The following ARCN1 variants were observed in gnomAD, a reference collection of about 807,000 sequenced individuals.
The protein encoded by ARCN1 is coatomer subunit delta.
ARCN1 carries 5 observed loss-of-function variants against 60.4 expected under a neutral mutation model. That is an observed-to-expected ratio of 0.08 (90% CI 0.04 to 0.17). The LOEUF (loss-of-function observed/expected upper bound fraction) is 0.17. Among genes scored for constraint, ARCN1 ranks in the 10% least tolerant of loss-of-function variants. The pLI is 1.00. For synonymous variants in ARCN1, 224 were observed against 220.0 expected (o/e 1.02, Z -0.16); for missense variants, 464 against 626.5 (o/e 0.74, Z 2.77).
chr11:118,592,863 G>T lies in ARCN1; in HGVS notation c.1132+7G>T, dbSNP rs782412960. On this transcript the variant is annotated splice_region_variant and intron_variant, in intron 7 of 9. Coordinates refer to ENST00000264028, the MANE Select transcript of ARCN1 (RefSeq NM_001655.5). ...TCTTTTATTCCACTGACAAGTAAGT[G>T]CCTCTGGCCAGTCCCACTAAGCTAG... is the stretch of plus-strand genomic sequence containing the variant. The T allele has an allele frequency of 6.2e-7, 1 of 1,612,384 alleles. No homozygotes were observed. The highest frequency in any genetic ancestry group is 8.5e-7 in the Non-Finnish European group (1 of 1,178,804).
chr11:118,595,533 A>G (rs894888523), intron 8 of ARCN1, among the ~76,000 whole-genome samples: 2 of 152,244 alleles, frequency 1.3e-5, no homozygotes, highest in African/African-American at 4.8e-5. Context: ...GTTGAGTTCC[A>G]ATAAGCTTTT....
chr11:118,586,736 C>T (rs1400115365), intron 5 of ARCN1, among the ~76,000 whole-genome samples: 2 of 151,654 alleles, frequency 1.3e-5, no homozygotes, highest in African/African-American at 4.8e-5. Flanking sequence ...CCTGTAGTCC[C>T]AGCTACTCAG....
intron 8 of ARCN1, among the ~76,000 whole-genome samples, chr11:118,596,997 C>T (rs1939040352): frequency 6.6e-6 from 1 of 152,128 alleles, no homozygotes; most frequent in South Asian, 2.1e-4. Context: ...ATCACGGGGT[C>T]AGGAGATGAG....
At chr11:118,581,132 A>G in intron 1 of ARCN1, 114 bp from the exon 2 acceptor site, 5 of 1,338,492 alleles carry the variant, frequency 3.7e-6, no homozygotes, top group Non-Finnish European at 5.2e-6. Flanking sequence ...AAATAATACT[A>G]CTACTAGTCA....
Position 118,600,740 on chromosome 11 carries a change from A to C in ARCN1, c.*26A>C, listed in dbSNP as rs555516780. ...TACCAAGAAGAGGGAGCTGAAAAGG[A>C]AAATTTTCAGATTAATAAAGAAGAC... On this transcript the variant is annotated 3_prime_UTR_variant, in exon 10 of 10. Transcript: ENST00000264028. The C allele has an allele frequency of 2.7e-6, 4 of 1,508,478 alleles. No homozygotes were observed. In the Admixed American group the frequency reaches 7.7e-5, roughly 29 times the overall value. The allele number at this position is 1,508,478 out of a possible 1,614,324, so 93.4% of individuals were successfully genotyped here. A position where few individuals can be genotyped will look rare whatever the true frequency, so the allele number is the denominator to read the frequency against.
chr11:118,598,209 A>G (rs1555077498), intron 9 of ARCN1, among the ~76,000 whole-genome samples: 1 of 151,646 alleles, frequency 6.6e-6, no homozygotes, highest in South Asian at 2.1e-4. Context: ...GTTTTTTTTT[A>G]ACCTTATATA....
chr11:118,599,514 C>T (rs1555077778), intron 9 of ARCN1, among the ~76,000 whole-genome samples: 1 of 152,156 alleles, frequency 6.6e-6, no homozygotes, highest in African/African-American at 2.4e-5. Context: ...CAGCCTCTGC[C>T]TCCCAGGTTC....
chr11:118,585,055 T>C (rs545935274), intron 5 of ARCN1, among the ~76,000 whole-genome samples: 52 of 152,200 alleles, frequency 3.4e-4, no homozygotes, highest in African/African-American at 1.2e-3. Flanking sequence ...CTCGATCTCC[T>C]GACCTTGTGA....
intron 6 of ARCN1, among the ~76,000 whole-genome samples, chr11:118,591,839 A>G (rs11216920): frequency 0.077 from 11,669 of 151,676 alleles, 778 homozygotes; most frequent in East Asian, 0.34. Context: ...GGCTCAAGCA[A>G]TGCTTCCTCT....
rs1334760549 is a variant in ARCN1 at position 118,599,116 on chromosome 11, G to T, written c.1446+1205G>T. Among the ~76,000 whole-genome samples, 3 of 149,134 alleles carry T rather than the reference G, an allele frequency of 2.0e-5. No individual in the cohort carries two copies. The East Asian group carries it at 6.0e-4, about 30-fold the overall frequency. On this transcript the variant is annotated intron_variant, in intron 9 of 9. Transcript: ENST00000264028. ...GCGGATTTTTTTTTTTTTTAAGACG[G>T]AGTTTCACTCTTGTTGCCCAGGCTG...
Position 118,601,477 on chromosome 11 carries a change from T to C in ARCN1, c.*763T>C, listed in dbSNP as rs1181189826. 1 of 614,624 alleles carries C rather than the reference T, an allele frequency of 1.6e-6. No homozygotes were observed. Among genetic ancestry groups the C allele is most frequent in the African/African-American group, 1.8e-5 (1 of 54,158 alleles). 38.1% of individuals were successfully genotyped at this position (614,624 alleles called of 1,614,324 possible). On this transcript the variant is annotated 3_prime_UTR_variant, in exon 10 of 10. Transcript: ENST00000264028. ...TTTAATCATTCATACCCTTTACCTT[T>C]AGGTTTTTCTTTCTATACATTCAGT...
intron 5 of ARCN1, among the ~76,000 whole-genome samples, chr11:118,586,664 T>G (rs1359504565): frequency 6.6e-6 from 1 of 151,654 alleles, no homozygotes; most frequent in Non-Finnish European, 1.5e-5. Context: ...TCCACTAAAA[T>G]ACAAAAAATT....
chr11:118,585,041 TG>T (rs1456821657), intron 5 of ARCN1, among the ~76,000 whole-genome samples: 3 of 152,172 alleles, frequency 2.0e-5, no homozygotes, highest in Admixed American at 2.0e-4. Context: ...TTAGCCAGAA[TG>T]GTCTCGATCT....
At position 118,601,847 on chromosome 11, in the gene ARCN1, T is replaced by A. The variant is rs1939155078; in HGVS notation, c.*1133T>A. The stretch of plus-strand genomic sequence containing the variant: ...TGGTTATGTCTGTCCAGTTAGGGAT[T>A]TCACATCCACATGTAATCATGTCTG... On this transcript the variant is annotated 3_prime_UTR_variant, in exon 10 of 10. Transcript: ENST00000264028. 1.6e-6 allele frequency: 1 copy of A among 624,514 alleles called. No individual in the cohort carries two copies. Among genetic ancestry groups the A allele is most frequent in the South Asian group, 1.8e-5 (1 of 54,732 alleles). The allele number at this position is 624,514 out of a possible 1,614,324, so 38.7% of individuals were successfully genotyped here.
At chr11:118,600,056 A>C (rs1444449861) in intron 9 of ARCN1, among the ~76,000 whole-genome samples, 1 of 152,234 alleles carries the variant, frequency 6.6e-6, no homozygotes, top group Non-Finnish European at 1.5e-5. Context: ...CTTCATTAGA[A>C]AATACGAATC....
intron 7 of ARCN1, among the ~76,000 whole-genome samples, 172 bp downstream of exon 7, chr11:118,593,028 T>G (rs1422547565): frequency 4.6e-5 from 7 of 152,220 alleles, no homozygotes; most frequent in African/African-American, 1.7e-4. Context: ...TAGTTTTCAT[T>G]TTTAATAGCT....
intron 8 of ARCN1, 141 bp downstream of exon 8, chr11:118,593,839 C>A (rs1287354270): frequency 1.9e-6 from 1 of 538,970 alleles, no homozygotes; most frequent in Non-Finnish European, 3.3e-6. Flanking sequence ...AAGCCAGATA[C>A]AAAAGGCTGC....
chr11:118,593,935 C>T (rs2135552988), intron 8 of ARCN1: 1 of 344,092 alleles, frequency 2.9e-6, no homozygotes, highest in Admixed American at 3.9e-5. Context: ...AGGTACTTCA[C>T]TTCAGAGGGG....
chr11:118,584,216 T>C (rs1938726097), intron 4 of ARCN1, among the ~76,000 whole-genome samples: 1 of 152,242 alleles, frequency 6.6e-6, no homozygotes, highest in African/African-American at 2.4e-5. Flanking sequence ...AAGAGAGTTA[T>C]AAATTATGTC....
Sources: allele counts gnomAD v4.1 joint callset (sites outside exome capture counted in the v4.1 genomes callset), GRCh38; gene constraint gnomAD v4.1.1; transcripts MANE v1.5; gene names NCBI Gene and HGNC (gene_info 2026-07-23, HGNC 2026-07-21).